Variants in ERN2 observed in about 807,000 individuals in gnomAD.
ERN2 encodes serine/threonine-protein kinase/endoribonuclease IRE2.
ERN2 carries 111 observed loss-of-function variants against 107.9 expected under a neutral mutation model. The ratio of observed to expected loss-of-function variants is 1.03; its 90% CI spans 0.88 to 1.20. The LOEUF is 1.20. Among genes scored for constraint, ERN2 ranks in the 50% most tolerant of loss-of-function variants. The pLI is 0.00. For synonymous variants in ERN2, 524 were observed against 501.7 expected (o/e 1.04, Z -0.59); for missense variants, 1,225 against 1,197.9 (o/e 1.02, Z -0.33).
At chr16:23,700,797 G>A in intron 12 of ERN2, 93 bp from the exon 13 acceptor site, 1 of 1,495,180 alleles carries the variant, frequency 6.7e-7, no homozygotes, top group Non-Finnish European at 9.0e-7. Flanking sequence ...TCACCAGACT[G>A]CATGAACTTA....
chr16:23,710,076 C>T, intron 4 of ERN2, 96 bp downstream of exon 4: 1 of 821,926 alleles, frequency 1.2e-6, no homozygotes, highest in Non-Finnish European at 2.1e-6. Flanking sequence ...CTCTGCAGAA[C>T]AGGAGATACT....
rs774642712 is a variant in ERN2, at chr16:23,691,398, A to C, written c.2404T>G (p.Ser802Ala). The C allele has an allele frequency of 1.3e-6, 2 of 1,599,180 alleles. No homozygotes were observed. Among genetic ancestry groups the C allele is most frequent in the Non-Finnish European group, 1.7e-6 (2 of 1,179,544 alleles). ...GCCCTCACCAGGGGCTCCTGCTCGG[A>C]CTCCTTCTCCAGCCAGTCACTGACG... ...QDVSDWLEKE[S>A]EQEPLVRALE... Residue 802 changes from serine (S) to alanine (A), a missense_variant, in exon 20 of 22, where the codon TCC (serine) becomes GCC (alanine). Coordinates refer to ENST00000256797, the MANE Select transcript of ERN2 (RefSeq NM_033266.4).
Position 23,691,147 on chromosome 16 carries a change from G to A in ERN2, c.2550C>T (p.Leu850=), listed in dbSNP as rs1227861526. The change falls in exon 21 of 22, where the codon CTC becomes CTT. Residue 850 remains leucine (L), a synonymous_variant. Coordinates refer to ENST00000256797, the MANE Select transcript of ERN2 (RefSeq NM_033266.4). ...CACATACCTTGTTCCTCACAGCACG[G>A]AGCAGGTCTCGCACTGATGTCCCCT... is the stretch of plus-strand genomic sequence containing the variant. ...SYKGTSVRDL[L]RAVRNKKHHY... is the part of the protein sequence containing the mutation. 1.9e-6 allele frequency: 3 copies of A among 1,614,050 alleles called. No homozygotes were observed. The Admixed American group carries it at 5.0e-5, about 27-fold the overall frequency.
chr16:23,702,168 G>T lies in ERN2; in HGVS notation c.1187C>A (p.Pro396Gln). The change falls in exon 11 of 22, where the codon CCA becomes CAA. Residue 396 changes from proline to glutamine, a missense_variant. Pro to Gln is a moderately conservative substitution (Grantham distance 76). Transcript: ENST00000256797. ...AGCACTGACCTCCAAGAAGAAGGCT[G>T]GGGCCTGGGTATTCTCTGGAGGTCT... is the stretch of plus-strand genomic sequence containing the variant. ...ETRPPENTQAPAFFLELLSLS... is the reference protein window; with the variant it reads ...ETRPPENTQAQAFFLELLSLS... 1.2e-6 allele frequency: 2 copies of T among 1,613,794 alleles called. No individual in the cohort carries two copies. Among genetic ancestry groups the T allele is most frequent in the Non-Finnish European group, 1.7e-6 (2 of 1,179,954 alleles).
At chr16:23,695,648 G>A (rs574612854) in intron 14 of ERN2, among the ~76,000 whole-genome samples, 1 of 144,340 alleles carries the variant, frequency 6.9e-6, no homozygotes, top group South Asian at 2.2e-4. Context: ...GGAATTGCTT[G>A]AACCTGGGAA....
chr16:23,706,484 A>G (rs1172977694), intron 6 of ERN2, 53 bp from the exon 7 acceptor site: 1 of 1,331,900 alleles, frequency 7.5e-7, no homozygotes, highest in African/African-American at 1.5e-5. Flanking sequence ...TGCTCCCTCC[A>G]ACCCCAGGGG....
chr16:23,690,510 A>C lies in ERN2; in HGVS notation c.*321T>G, dbSNP rs1022745336. The stretch of plus-strand genomic sequence containing the variant: ...CTCTCTGTGGACCAGGCTGGAGTGC[A>C]GTGGCATGATCCTGGCTCACTGCAG... On this transcript the variant is annotated 3_prime_UTR_variant, in exon 22 of 22. Coordinates refer to ENST00000256797, the MANE Select transcript of ERN2 (RefSeq NM_033266.4). 1 of 471,560 alleles carries C rather than the reference A, an allele frequency of 2.1e-6. No individual in the cohort carries two copies. Among genetic ancestry groups the C allele is most frequent in the African/African-American group, 1.9e-5 (1 of 51,428 alleles). 29.2% of individuals were successfully genotyped at this position (471,560 alleles called of 1,614,324 possible).
Position 23,713,197 on chromosome 16 carries a change from G to T in ERN2, c.-10C>A. On this transcript the variant is annotated 5_prime_UTR_variant, in exon 1 of 22. Coordinates refer to ENST00000256797, the MANE Select transcript of ERN2 (RefSeq NM_033266.4). ...TGACCGCACTCGCCATAGCGCCTGGGCAGCTGCACGGCTGGCCAGGTCCCT... is the reference window on the plus strand; with the variant it reads ...TGACCGCACTCGCCATAGCGCCTGGTCAGCTGCACGGCTGGCCAGGTCCCT... 2 of 1,579,296 alleles carry T rather than the reference G, an allele frequency of 1.3e-6. No homozygotes were observed. The highest frequency in any genetic ancestry group is 1.7e-6 in the Non-Finnish European group (2 of 1,169,464).
Position 23,710,422 on chromosome 16 carries a change from C to A in ERN2, c.233+94G>T. On this transcript the variant is annotated intron_variant, in intron 3 of 21. Coordinates refer to ENST00000256797, the MANE Select transcript of ERN2 (RefSeq NM_033266.4). ...GCCAATTCTCTTCCCTTACTTCCAA[C>A]ATGTCCCTGCCCCACATACAAACTC... 3 of 1,379,996 alleles carry A rather than the reference C, an allele frequency of 2.2e-6. No individual in the cohort carries two copies. The South Asian group carries it at 3.5e-5, about 16-fold the overall frequency. 85.5% of individuals were successfully genotyped at this position (1,379,996 alleles called of 1,614,324 possible).
chr16:23,705,096 G>C lies in ERN2; in HGVS notation c.641C>G (p.Pro214Arg), dbSNP rs957044537. ...CGMGLLLTVD[P>R]GSGTVLWTQD... is the part of the protein sequence containing the mutation. ...TGTCCACAGCACCGTCCCGCTTCCTGGGTCCACAGTGAGCAGCAGGCCCAT... is the reference window on the plus strand; with the variant it reads ...TGTCCACAGCACCGTCCCGCTTCCTCGGTCCACAGTGAGCAGCAGGCCCAT... The change falls in exon 8 of 22, where the codon CCA becomes CGA. Residue 214 changes from proline to arginine, a missense_variant. Pro to Arg is a moderately radical substitution (Grantham distance 103). Transcript: ENST00000256797. 6.2e-7 allele frequency: 1 copy of C among 1,613,946 alleles called. No individual in the cohort carries two copies. The highest frequency in any genetic ancestry group is 1.3e-5 in the African/African-American group (1 of 75,050).
rs1171308506 is a variant in ERN2, at chr16:23,707,029, G to A, written c.357C>T (p.Ser119=). 4.3e-6 allele frequency: 7 copies of A among 1,614,150 alleles called. No individual in the cohort carries two copies. Among genetic ancestry groups the A allele is most frequent in the Non-Finnish European group, 5.9e-6 (7 of 1,179,982 alleles). ...CACCTGTGTAGAAGACCCCATCAGAGCTGCGGCAGGGAGAGGCATGAACCA... is the reference window on the plus strand; with the variant it reads ...CACCTGTGTAGAAGACCCCATCAGAACTGCGGCAGGGAGAGGCATGAACCA... ...PELVHASPCR[S]SDGVFYTGRK... The change falls in exon 5 of 22, where the codon AGC becomes AGT. Residue 119 remains serine, a synonymous_variant. Coordinates refer to ENST00000256797, the MANE Select transcript of ERN2 (RefSeq NM_033266.4).
Position 23,700,729 on chromosome 16 carries a change from C to T in ERN2, c.1360-25G>A, listed in dbSNP as rs945114996. On this transcript the variant is annotated intron_variant, in intron 12 of 21. Transcript: ENST00000256797. ...GCTGTAACATGAGAGCCTAAGAGAG[C>T]TTTGTCCTGGCCACGCCCTGCCCCG... 5.6e-6 allele frequency: 9 copies of T among 1,600,606 alleles called. No individual in the cohort carries two copies. In the African/African-American group the frequency reaches 1.1e-4, roughly 19 times the overall value.
intron 1 of ERN2, chr16:23,712,846 C>T (rs1049585991): frequency 2.1e-6 from 1 of 485,150 alleles, no homozygotes; most frequent in Non-Finnish European, 3.6e-6. Context: ...GCTGAAGAGG[C>T]GGGGTGCTCT....
Position 23,690,329 on chromosome 16 carries a change from T to C in ERN2, c.*502A>G, listed in dbSNP as rs1047611142. 1 of 565,204 alleles carries C rather than the reference T, an allele frequency of 1.8e-6. No homozygotes were observed. The highest frequency in any genetic ancestry group is 3.0e-5 in the Admixed American group (1 of 32,810). 35.0% of individuals were successfully genotyped at this position (565,204 alleles called of 1,614,324 possible). A position where few individuals can be genotyped will look rare whatever the true frequency, so the allele number is the denominator to read the frequency against. ...TTTCTATTGAATTCGGAACTGTCCT[T>C]TCCTTGGCTTTATGCACATTAAACA... is the stretch of plus-strand genomic sequence containing the variant. On this transcript the variant is annotated 3_prime_UTR_variant, in exon 22 of 22. Transcript: ENST00000256797.
At chr16:23,705,872 G>T (rs1354194407) in intron 7 of ERN2, among the ~76,000 whole-genome samples, 1 of 152,138 alleles carries the variant, frequency 6.6e-6, no homozygotes, top group Admixed American at 6.5e-5. Context: ...TGTGATCACA[G>T]TACTGCACTC....
At chr16:23,705,999 T>TA (rs1369422370) in intron 7 of ERN2, among the ~76,000 whole-genome samples, 4 of 151,974 alleles carry the variant, frequency 2.6e-5, no homozygotes, top group African/African-American at 9.7e-5. Flanking sequence ...AGGGGTTATA[T>TA]ATAGGGGTCA....
intron 17 of ERN2, among the ~76,000 whole-genome samples, chr16:23,692,826 A>T (rs1331839510): frequency 1.3e-5 from 2 of 151,948 alleles, no homozygotes; most frequent in Non-Finnish European, 2.9e-5. Context: ...TCCTGGGCTC[A>T]AGCAATCTAC....
At chr16:23,712,909 G>C (rs1292036329) in intron 1 of ERN2, 186 bp downstream of exon 1, 1 of 541,698 alleles carries the variant, frequency 1.8e-6, no homozygotes, top group East Asian at 3.4e-5. Context: ...GTATTTGTTG[G>C]GGGCAACTGG....
Position 23,704,947 on chromosome 16 carries a change from G to T in ERN2, c.790C>A (p.Arg264=). The change falls in exon 8 of 22, where the codon CGA becomes AGA. Residue 264 remains arginine (R), a synonymous_variant. Coordinates refer to ENST00000256797, the MANE Select transcript of ERN2 (RefSeq NM_033266.4). ...HFLALRWGHI[R]LPASGPRDTA... is the part of the protein sequence containing the mutation. ...TCCCGGGGGCCTGAGGCAGGCAGTC[G>T]GATGTGGCCCCAGCGGAGGGCGAGG... The T allele has an allele frequency of 6.2e-7, 1 of 1,613,816 alleles. No individual in the cohort carries two copies. Among genetic ancestry groups the T allele is most frequent in the East Asian group, 2.2e-5 (1 of 44,868 alleles).
Sources: allele counts gnomAD v4.1 joint callset (sites outside exome capture counted in the v4.1 genomes callset), GRCh38; gene constraint gnomAD v4.1.1; transcripts MANE v1.5; gene names NCBI Gene and HGNC (gene_info 2026-07-23, HGNC 2026-07-21).